The following WNK2 variants were observed in gnomAD, a reference collection of about 807,000 sequenced individuals.
WNK2 encodes the protein WNK lysine deficient protein kinase 2, also known as serine/threonine-protein kinase WNK2.
In WNK2, 67 loss-of-function variants were observed where a neutral mutation model predicts 192.1. The ratio of observed to expected loss-of-function variants is 0.35; its 90% CI spans 0.29 to 0.43. The LOEUF (loss-of-function observed/expected upper bound fraction) is 0.43, where lower values mean the gene tolerates loss of function less well. Ranked by LOEUF, WNK2 falls within the 20% of genes least tolerant of loss-of-function variation. The pLI is 1.00. For synonymous variants in WNK2, 1,439 were observed against 1,393.9 expected, an observed-to-expected ratio of 1.03 and a Z score of -0.72; for missense variants, 2,698 against 3,089.7, an observed-to-expected ratio of 0.87 and a Z score of 3.01.
intron 2 of WNK2, among the ~76,000 whole-genome samples, chr9:93,207,850 A>G (rs1447259913): frequency 6.6e-6 from 1 of 152,212 alleles, no homozygotes; most frequent in Non-Finnish European, 1.5e-5. Context: ...AGGAAAAAAA[A>G]GAATTCCTGT....
chr9:93,287,559 TAGAC>T (rs1848634634), intron 19 of WNK2, among the ~76,000 whole-genome samples: 1 of 152,168 alleles, frequency 6.6e-6, no homozygotes, highest in African/African-American at 2.4e-5. Context: ...CCATCATGTT[TAGAC>T]AGACGAACGG....
chr9:93,227,117 C>CTTT (rs34529839), intron 2 of WNK2, among the ~76,000 whole-genome samples: 1 of 137,608 alleles, frequency 7.3e-6, no homozygotes. Flanking sequence ...AAGTATCCAC[C>CTTT]TTTTTTTTTT....
At chr9:93,208,365 G>A (rs1444019546) in intron 2 of WNK2, among the ~76,000 whole-genome samples, 4 of 152,178 alleles carry the variant, frequency 2.6e-5, no homozygotes, top group Admixed American at 6.5e-5. Flanking sequence ...CACCCTTGTC[G>A]CCAAGGCTGA....
At chr9:93,201,031 G>A (rs2131251134) in intron 2 of WNK2, among the ~76,000 whole-genome samples, 1 of 152,306 alleles carries the variant, frequency 6.6e-6, no homozygotes, top group Non-Finnish European at 1.5e-5. Context: ...TTACTGGGAT[G>A]GATTTTTAGG....
chr9:93,298,018 G>A lies in WNK2; in HGVS notation c.5874G>A (p.Lys1958=). 2 of 1,555,526 alleles carry A rather than the reference G, an allele frequency of 1.3e-6. No individual in the cohort carries two copies. Among genetic ancestry groups the A allele is most frequent in the Non-Finnish European group, 1.7e-6 (2 of 1,150,330 alleles). Residue 1958 remains lysine, a synonymous_variant, in exon 24 of 30, where the codon AAG becomes AAA. Coordinates refer to ENST00000427277, the MANE Select transcript of WNK2 (RefSeq NM_006648.4). Reference sequence around the variant, plus strand: ...GCAAGAGCAAGCTGAAGGCAGGCAAGCTGCTAAATCCCCTGGTGCGGCAGC... The same window carrying A: ...GCAAGAGCAAGCTGAAGGCAGGCAAACTGCTAAATCCCCTGGTGCGGCAGC... ...KTSKSKLKAG[K]LLNPLVRQLK... is the part of the protein sequence containing the mutation.
intron 16 of WNK2, among the ~76,000 whole-genome samples, chr9:93,265,875 G>T (rs1184983726): frequency 1.3e-5 from 2 of 152,218 alleles, no homozygotes; most frequent in Non-Finnish European, 2.9e-5. Flanking sequence ...CTGCACACAT[G>T]TAAGTCCTGC....
chr9:93,259,294 T>C lies in WNK2; in HGVS notation c.2746T>C (p.Phe916Leu), dbSNP rs1244359063. ...AGGCCAACCTGTGTACCCAGCGGCC[T>C]TCCCACAGATGGCGCCTACTGACGT... ...LPGQPVYPAA[F>L]PQMAPTDVPP... is the part of the protein sequence containing the mutation. The change falls in exon 12 of 30, where the codon TTC becomes CTC. Residue 916 changes from phenylalanine (F) to leucine (L), a missense_variant. Around this residue, in one of 7 missense-constraint regions of WNK2, gnomAD observed 893 missense variants for 909.0 expected, o/e 0.98. Transcript: ENST00000427277. This position sits in a 1 kb window ranked among gnomAD's most constrained non-coding sequence, Gnocchi z 4.8. 1 of 1,613,464 alleles carries C rather than the reference T, an allele frequency of 6.2e-7. No individual in the cohort carries two copies. The highest frequency in any genetic ancestry group is 1.1e-5 in the South Asian group (1 of 91,054).
At chr9:93,245,314 C>A (rs1315530006) in intron 7 of WNK2, among the ~76,000 whole-genome samples, 2 of 152,212 alleles carry the variant, frequency 1.3e-5, no homozygotes, top group African/African-American at 2.4e-5. Flanking sequence ...TCAGGCCCAT[C>A]CTCCTATCCT....
Position 93,292,404 on chromosome 9 carries a change from C to T in WNK2, c.5025+8C>T, listed in dbSNP as rs752016251. On this transcript the variant is annotated splice_region_variant and intron_variant, in intron 22 of 29. Coordinates refer to ENST00000427277, the MANE Select transcript of WNK2 (RefSeq NM_006648.4). ...GTCCCCAGCGTCCCCCAGGTAAGGG[C>T]GACTTGACGACCCCCTGGCTGGTTG... 26 of 1,613,768 alleles carry T rather than the reference C, an allele frequency of 1.6e-5. No homozygotes were observed. In the East Asian group the frequency reaches 1.8e-4, roughly 11 times the overall value.
In WNK2 at chr9:93,263,688, G is replaced by A; in HGVS notation, c.3533G>A (p.Arg1178His). ...RKHHRRSTRA[R>H]SRQERASRPR... ...CACCACCGCAGGTCCACGCGTGCGCGCTCCCGGCAGGAGAGGGCCAGCCGG... is the reference window on the plus strand; with the variant it reads ...CACCACCGCAGGTCCACGCGTGCGCACTCCCGGCAGGAGAGGGCCAGCCGG... Residue 1178 changes from arginine (R) to histidine (H), a missense_variant, in exon 15 of 30, where the codon CGC (arginine) becomes CAC (histidine). Coordinates refer to ENST00000427277, the MANE Select transcript of WNK2 (RefSeq NM_006648.4). 3 of 1,562,030 alleles carry A rather than the reference G, an allele frequency of 1.9e-6. No individual in the cohort carries two copies. Among genetic ancestry groups the A allele is most frequent in the East Asian group, 2.3e-5 (1 of 42,814 alleles).
At chr9:93,200,478 G>C (rs1234514357) in intron 2 of WNK2, among the ~76,000 whole-genome samples, 1 of 152,228 alleles carries the variant, frequency 6.6e-6, no homozygotes, top group African/African-American at 2.4e-5. Context: ...GACAGTGATG[G>C]CCTGTTGTCC....
intron 19 of WNK2, among the ~76,000 whole-genome samples, chr9:93,286,853 C>T (rs1198932106): frequency 2.0e-5 from 3 of 152,150 alleles, no homozygotes; most frequent in East Asian, 1.9e-4. Context: ...CTACCATTTG[C>T]GACGACATGG....
chr9:93,248,310 T>C (rs746732971), intron 8 of WNK2, among the ~76,000 whole-genome samples: 4 of 152,250 alleles, frequency 2.6e-5, no homozygotes, highest in Non-Finnish European at 5.9e-5. Context: ...TTCCCGGTGA[T>C]CTGTAACCAG....
At chr9:93,293,991 T>A (rs1166620039) in intron 23 of WNK2, among the ~76,000 whole-genome samples, 1 of 152,016 alleles carries the variant, frequency 6.6e-6, no homozygotes, top group African/African-American at 2.4e-5. Flanking sequence ...TCTTTCTCCA[T>A]GTCTCTTTCC....
rs1479950546 is a variant in WNK2 at position 93,289,297 on chromosome 9, C to T, written c.4543C>T (p.Pro1515Ser). 1.3e-6 allele frequency: 2 copies of T among 1,598,838 alleles called. No homozygotes were observed. Among genetic ancestry groups the T allele is most frequent in the Non-Finnish European group, 1.7e-6 (2 of 1,173,776 alleles). The part of the protein sequence containing the change: ...GAVSLATSQL[P>S]SPPLGPTVPP... ...CGTCAGCCTGGCCACCTCCCAGCTC[C>T]CAAGCCCACCCCTGGGGCCCACCGT... Residue 1515 changes from proline (P) to serine (S), a missense_variant, in exon 20 of 30, where the codon CCA (proline) becomes TCA (serine). Pro to Ser is a moderately conservative substitution (Grantham distance 74). This residue lies in a region of WNK2 where 1,098 missense variants were observed against 1,101.0 expected (regional missense o/e 1.00). Coordinates refer to ENST00000427277, the MANE Select transcript of WNK2 (RefSeq NM_006648.4).
intron 19 of WNK2, among the ~76,000 whole-genome samples, chr9:93,272,540 A>G (rs761261383): frequency 6.6e-5 from 10 of 152,156 alleles, no homozygotes; most frequent in Non-Finnish European, 1.3e-4. Flanking sequence ...GGAGTTTGAG[A>G]CCAGCCTGAC....
intron 8 of WNK2, among the ~76,000 whole-genome samples, chr9:93,248,282 T>C (rs1002647714): frequency 6.6e-6 from 1 of 152,210 alleles, no homozygotes; most frequent in Non-Finnish European, 1.5e-5. Context: ...AGTGAAGGGA[T>C]TGGGGCTTTC....
chr9:93,256,731 C>T, intron 10 of WNK2: 1 of 670,968 alleles, frequency 1.5e-6, no homozygotes, highest in Non-Finnish European at 2.5e-6. Context: ...GCAAGATCTG[C>T]TGTGCCCTGG....
At chr9:93,318,463 T>C in intron 29 of WNK2, 1 of 1,614,050 alleles carries the variant, frequency 6.2e-7, no homozygotes, top group Non-Finnish European at 8.5e-7. Flanking sequence ...GCTTGCTCAG[T>C]AGGGAATGTC....
Sources: allele counts gnomAD v4.1 joint callset (sites outside exome capture counted in the v4.1 genomes callset), GRCh38; gene constraint gnomAD v4.1.1; regional missense constraint gnomAD v4.1.1; non-coding constraint Gnocchi (gnomAD v3.1); transcripts MANE v1.5; gene names NCBI Gene and HGNC (gene_info 2026-07-23, HGNC 2026-07-21).